Variants in PDE10A observed in about 807,000 individuals in gnomAD.
PDE10A encodes cAMP and cAMP-inhibited cGMP 3',5'-cyclic phosphodiesterase 10A.
Under a neutral mutation model 97.7 loss-of-function variants are expected in PDE10A, and 39 were observed. That is an observed-to-expected ratio of 0.40 (90% CI 0.31 to 0.52). The LOEUF (loss-of-function observed/expected upper bound fraction) is 0.52. PDE10A is among the 20% of genes least tolerant of loss of function. The probability of loss-of-function intolerance (pLI) is 0.56; values close to 1 mark genes in which losing one functional copy is unlikely to be tolerated. For missense variants in PDE10A, 731 were observed against 1,047.8 expected (o/e 0.70, Z 4.17); for synonymous variants, 371 against 376.8 (o/e 0.98, Z 0.18).
intron 18 of PDE10A, among the ~76,000 whole-genome samples, chr6:165,375,726 C>T (rs1371645803): frequency 1.3e-5 from 2 of 152,302 alleles, no homozygotes; most frequent in South Asian, 4.1e-4. Context: ...TGACTCCTGT[C>T]AGGGGCTAAT....
chr6:165,409,911 G>C (rs1265295593), intron 13 of PDE10A, among the ~76,000 whole-genome samples: 1 of 104,446 alleles, frequency 9.6e-6, no homozygotes, highest in Non-Finnish European at 2.0e-5. Context: ...TTTTCTGTGT[G>C]GTTTAATCAT....
chr6:165,619,409 CT>C (rs1787951805), intron 1 of PDE10A, among the ~76,000 whole-genome samples: 1 of 7,296 alleles, frequency 1.4e-4, no homozygotes. Context: ...GTAGTGTAGT[CT>C]AGTGTAGTGT....
intron 1 of PDE10A, among the ~76,000 whole-genome samples, chr6:165,876,539 A>T (rs959321245): frequency 6.6e-6 from 1 of 152,116 alleles, no homozygotes; most frequent in Admixed American, 6.5e-5. Context: ...AAACTGAAAA[A>T]CCCAGAAATC....
intron 3 of PDE10A, among the ~76,000 whole-genome samples, chr6:165,464,589 C>A (rs1778524307): frequency 6.6e-6 from 1 of 152,046 alleles, no homozygotes; most frequent in African/African-American, 2.4e-5. Flanking sequence ...TGCATAAATC[C>A]TTGTAACATA....
chr6:165,352,075 A>G (rs1167293279), intron 18 of PDE10A, among the ~76,000 whole-genome samples: 2 of 152,174 alleles, frequency 1.3e-5, no homozygotes, highest in Admixed American at 1.3e-4. Context: ...GCTGGTCTCG[A>G]ACTCCTGACC....
intron 13 of PDE10A, among the ~76,000 whole-genome samples, chr6:165,402,094 C>T (rs1693071038): frequency 6.6e-6 from 1 of 152,036 alleles, no homozygotes; most frequent in South Asian, 2.1e-4. Context: ...AGCACTTGCG[C>T]CAGGAAGTAT....
rs942920046 is a variant in PDE10A at position 165,617,293 on chromosome 6, G to A, written c.865+44654C>T. ...TGCCTAAAAATCAGAAAGAGGGACC[G>A]CTTTACGCATTGCATCTACCGAAGT... is the stretch of plus-strand genomic sequence containing the variant. On this transcript the variant is annotated intron_variant, in intron 1 of 21. Transcript: ENST00000539869. 5.9e-5 allele frequency among the ~76,000 whole-genome samples: 9 copies of A among 152,252 alleles called. 2 individuals are homozygous for A. The highest frequency in any genetic ancestry group is 4.6e-4 in the Admixed American group (7 of 15,292).
chr6:165,893,162 A>T (rs1381030866), intron 1 of PDE10A, among the ~76,000 whole-genome samples: 2 of 152,234 alleles, frequency 1.3e-5, no homozygotes, highest in African/African-American at 2.4e-5. Context: ...TGTATCCTTC[A>T]CCCAGCCTCC....
chr6:165,970,655 A>G (rs112290604), intron 1 of PDE10A, among the ~76,000 whole-genome samples: 4 of 152,210 alleles, frequency 2.6e-5, no homozygotes, highest in African/African-American at 9.6e-5. Flanking sequence ...CCATATCTAT[A>G]TGAAGAAAAC....
intron 1 of PDE10A, among the ~76,000 whole-genome samples, chr6:165,960,337 C>G (rs767354756): frequency 3.3e-5 from 5 of 152,144 alleles, no homozygotes; most frequent in Non-Finnish European, 5.9e-5. Context: ...CCGGTAAAGA[C>G]GTGGAAAAAG....
intron 1 of PDE10A, among the ~76,000 whole-genome samples, chr6:165,637,663 T>C (rs920628678): frequency 6.6e-6 from 1 of 152,122 alleles, no homozygotes. Context: ...GCGTCAATAG[T>C]GCAAGCTTCT....
intron 1 of PDE10A, among the ~76,000 whole-genome samples, chr6:165,722,489 C>G (rs1792189625): frequency 6.6e-6 from 1 of 152,172 alleles, no homozygotes; most frequent in South Asian, 2.1e-4. Flanking sequence ...ACATATCTGT[C>G]TATGATCTAG....
intron 1 of PDE10A, among the ~76,000 whole-genome samples, chr6:165,815,928 T>G (rs910414345): frequency 6.6e-6 from 1 of 151,918 alleles, no homozygotes; most frequent in African/African-American, 2.4e-5. Context: ...TTCTTGCCCC[T>G]ACTCCAGGCT....
At chr6:165,545,736 C>T (rs950881555) in intron 1 of PDE10A, among the ~76,000 whole-genome samples, 1 of 151,704 alleles carries the variant, frequency 6.6e-6, no homozygotes, top group African/African-American at 2.4e-5. Flanking sequence ...ATTAGAATGG[C>T]TAAAATTAAA....
chr6:165,866,431 T>TTTTTTTTTTTTTTTGAGA (rs1429923181), intron 1 of PDE10A, among the ~76,000 whole-genome samples: 1 of 151,436 alleles, frequency 6.6e-6, no homozygotes, highest in Non-Finnish European at 1.5e-5. Flanking sequence ...TTAATTCATT[T>TTTTTTTTTTTTTTTGAGA]CGTTAAGCAT....
At chr6:165,562,847 G>A (rs890985967) in intron 1 of PDE10A, among the ~76,000 whole-genome samples, 3 of 152,094 alleles carry the variant, frequency 2.0e-5, no homozygotes, top group African/African-American at 7.2e-5. Context: ...AATGTCTGCT[G>A]ACATTATGGG....
At chr6:165,526,887 C>A (rs1045230463) in intron 2 of PDE10A, among the ~76,000 whole-genome samples, 7 of 152,228 alleles carry the variant, frequency 4.6e-5, no homozygotes. Context: ...ATCACCTCTC[C>A]GGCTTTGTGT....
intron 18 of PDE10A, among the ~76,000 whole-genome samples, chr6:165,362,631 T>C (rs1783493974): frequency 6.6e-6 from 1 of 152,176 alleles, no homozygotes; most frequent in Admixed American, 6.5e-5. Flanking sequence ...GTAAATTCTA[T>C]ACATTTGAAG....
intron 1 of PDE10A, among the ~76,000 whole-genome samples, chr6:165,572,312 C>T (rs1438640100): frequency 2.0e-5 from 3 of 152,216 alleles, no homozygotes; most frequent in Admixed American, 2.0e-4. Context: ...CATCACTTAA[C>T]ATTTCTATGC....
Sources: allele counts gnomAD v4.1 joint callset (sites outside exome capture counted in the v4.1 genomes callset), GRCh38; gene constraint gnomAD v4.1.1; transcripts MANE v1.5; gene names NCBI Gene and HGNC (gene_info 2026-07-23, HGNC 2026-07-21).